The following EIF3H variants were observed in gnomAD, a reference collection of about 807,000 sequenced individuals.
The protein encoded by EIF3H is eIF-3-gamma.
EIF3H carries 26 observed loss-of-function variants against 44.2 expected under a neutral mutation model. The observed-to-expected ratio is 0.59, with a 90% confidence interval of 0.43 to 0.82. The LOEUF is 0.82. EIF3H is among the 40% of genes least tolerant of loss of function. The pLI is 0.00. For missense variants in EIF3H, 359 were observed against 432.8 expected, an observed-to-expected ratio of 0.83 and a Z score of 1.51; for synonymous variants, 166 against 151.9, an observed-to-expected ratio of 1.09 and a Z score of -0.68.
intron 2 of EIF3H, among the ~76,000 whole-genome samples, chr8:116,678,871 TCAGCCCCCCGCC>T (rs1813904955): frequency 9.1e-6 from 1 of 110,314 alleles, no homozygotes; most frequent in Non-Finnish European, 1.9e-5. Context: ...TGGGGGGGGG[TCAGCCCCCCGCC>T]CGGCCAGCCG....
chr8:116,665,089 T>C (rs1279582495), intron 2 of EIF3H, among the ~76,000 whole-genome samples: 3 of 152,250 alleles, frequency 2.0e-5, no homozygotes, highest in Non-Finnish European at 4.4e-5. Context: ...CTCCAAAGGC[T>C]AGCCAGCCAC....
intron 2 of EIF3H, among the ~76,000 whole-genome samples, chr8:116,718,299 CAG>C (rs2130912303): frequency 6.6e-6 from 1 of 152,136 alleles, no homozygotes; most frequent in East Asian, 1.9e-4. Flanking sequence ...CTATGGAAAA[CAG>C]TGTGTGGTGA....
Position 116,645,122 on chromosome 8 carries a change from GAT to G in EIF3H, c.962-21_962-20del. On this transcript the variant is annotated intron_variant, in intron 7 of 7. Coordinates refer to ENST00000521861, the MANE Select transcript of EIF3H (RefSeq NM_003756.3). ...ATCTGGCCTGTGCATTTGAGAAAGA[GAT>G]AGAGCCATAATGTTCCACAAATTGT... is the stretch of plus-strand genomic sequence containing the variant. 6.3e-7 allele frequency: 1 copy of G among 1,582,224 alleles called. No individual in the cohort carries two copies. Among genetic ancestry groups the G allele is most frequent in the Non-Finnish European group, 8.7e-7 (1 of 1,152,098 alleles).
chr8:116,736,618 C>T (rs1030145438), intron 1 of EIF3H, among the ~76,000 whole-genome samples: 2 of 152,048 alleles, frequency 1.3e-5, no homozygotes, highest in African/African-American at 4.8e-5. Context: ...GCCGAGATCG[C>T]GCCTTTGCAC....
intron 2 of EIF3H, among the ~76,000 whole-genome samples, chr8:116,714,469 T>C (rs1163382602): frequency 6.6e-6 from 1 of 152,132 alleles, no homozygotes; most frequent in Non-Finnish European, 1.5e-5. Flanking sequence ...ATTTGGTGTC[T>C]TTGTATCTTT....
In EIF3H at chr8:116,643,074, A is replaced by C. The variant is rs1311891192; in HGVS notation, c.*1932T>G. 6.6e-6 allele frequency: 1 copy of C among 152,214 alleles called. No homozygotes were observed. The highest frequency in any genetic ancestry group is 1.5e-5 in the Non-Finnish European group (1 of 68,030). The allele number at this position is 152,214 out of a possible 1,614,324, so 9.4% of individuals were successfully genotyped here. ...TTTATTTTGCTCGCTTGCTACTTTA[A>C]GGGTGCTTTGTTTAACTCCACAATA... On this transcript the variant is annotated 3_prime_UTR_variant, in exon 8 of 8. Coordinates refer to ENST00000521861, the MANE Select transcript of EIF3H (RefSeq NM_003756.3).
chr8:116,723,365 G>A (rs1814784045), intron 2 of EIF3H, among the ~76,000 whole-genome samples: 1 of 152,068 alleles, frequency 6.6e-6, no homozygotes, highest in Non-Finnish European at 1.5e-5. Flanking sequence ...AAGAACTACA[G>A]AGAAATCTCA....
intron 1 of EIF3H, among the ~76,000 whole-genome samples, chr8:116,761,915 C>T (rs1048406934): frequency 4.6e-5 from 7 of 152,194 alleles, no homozygotes; most frequent in Non-Finnish European, 7.3e-5. Context: ...AGCTGGGGCT[C>T]TTCATATTTA....
chr8:116,667,704 A>C (rs1404919614), intron 2 of EIF3H, among the ~76,000 whole-genome samples: 1 of 152,216 alleles, frequency 6.6e-6, no homozygotes, highest in Non-Finnish European at 1.5e-5. Flanking sequence ...TAAATGACCC[A>C]CAGAATCACT....
intron 1 of EIF3H, among the ~76,000 whole-genome samples, chr8:116,738,021 C>T (rs1173954613): frequency 7.6e-6 from 1 of 131,670 alleles, no homozygotes; most frequent in Non-Finnish European, 1.5e-5. Flanking sequence ...GGCGACACAG[C>T]GAGGCTCCAT....
chr8:116,740,385 C>A (rs1183100094), intron 1 of EIF3H, among the ~76,000 whole-genome samples: 1 of 152,040 alleles, frequency 6.6e-6, no homozygotes, highest in African/African-American at 2.4e-5. Context: ...GTTTTCTCTG[C>A]CACTCCTTGC....
chr8:116,656,639 A>G (rs1813495235), intron 4 of EIF3H, among the ~76,000 whole-genome samples: 1 of 152,250 alleles, frequency 6.6e-6, no homozygotes. Context: ...TTTTGATTCA[A>G]TAAGAACTAA....
intron 2 of EIF3H, among the ~76,000 whole-genome samples, chr8:116,691,572 T>C (rs1293873457): frequency 4.7e-5 from 7 of 150,228 alleles, no homozygotes; most frequent in South Asian, 2.1e-4. Context: ...AAAAAAAGCC[T>C]ATAAAAGAAA....
At position 116,751,159 on chromosome 8, in the gene EIF3H, C is replaced by T. The variant is rs1815332141; in HGVS notation, c.132+4507G>A. ...CCCGGGAGGCGGAGCTTGCAGTGAG[C>T]CGAGATTGCGCCACTGCACTCCAGC... On this transcript the variant is annotated intron_variant, in intron 1 of 7. Transcript: ENST00000521861. 4.0e-5 allele frequency among the ~76,000 whole-genome samples: 6 copies of T among 151,550 alleles called. No homozygotes were observed. The South Asian group carries it at 1.2e-3, about 31-fold the overall frequency.
chr8:116,662,329 T>C (rs1205519568), intron 2 of EIF3H, among the ~76,000 whole-genome samples: 5 of 152,040 alleles, frequency 3.3e-5, no homozygotes, highest in African/African-American at 4.8e-5. Context: ...AAACTGCAAG[T>C]GAGTCTTAAA....
At chr8:116,686,430 C>A (rs145625317) in intron 2 of EIF3H, among the ~76,000 whole-genome samples, 111 of 152,040 alleles carry the variant, frequency 7.3e-4, no homozygotes, top group African/African-American at 2.2e-3. Flanking sequence ...CTCGAGTCAT[C>A]CATATTACAA....
intron 2 of EIF3H, among the ~76,000 whole-genome samples, chr8:116,693,178 A>G (rs1249564488): frequency 6.6e-6 from 1 of 152,188 alleles, no homozygotes; most frequent in African/African-American, 2.4e-5. Context: ...TACTAAATTC[A>G]GTTATGTTAA....
intron 1 of EIF3H, among the ~76,000 whole-genome samples, chr8:116,743,799 A>AACAC (rs368555154): frequency 2.3e-5 from 2 of 87,074 alleles, no homozygotes; most frequent in East Asian, 9.2e-4. Flanking sequence ...TATATATATA[A>AACAC]ACACACACAC....
intron 2 of EIF3H, among the ~76,000 whole-genome samples, chr8:116,664,474 C>T (rs1813635368): frequency 6.6e-6 from 1 of 152,208 alleles, no homozygotes; most frequent in Non-Finnish European, 1.5e-5. Context: ...CTTTTCAGTT[C>T]AGCAGAATAA....
Sources: gnomAD v4.1 joint callset for allele counts (sites outside exome capture counted in the v4.1 genomes callset) on GRCh38, gnomAD v4.1.1 for gene constraint, MANE v1.5 for transcripts, NCBI Gene and HGNC (gene_info 2026-07-23, HGNC 2026-07-21) for gene names.